Variants in L3MBTL4 observed in about 807,000 individuals in gnomAD.
The protein encoded by L3MBTL4 is L3MBTL histone methyl-lysine binding protein 4, also known as lethal(3)malignant brain tumor-like protein 4.
Under a neutral mutation model 84.5 loss-of-function variants are expected in L3MBTL4, and 70 were observed. That is an observed-to-expected ratio of 0.83 (90% CI 0.68 to 1.01). L3MBTL4 has a LOEUF of 1.01. Ranked by LOEUF, L3MBTL4 falls within the 50% of genes least tolerant of loss-of-function variation. The pLI is 0.00. For synonymous variants in L3MBTL4, 274 were observed against 259.8 expected (o/e 1.05, Z -0.52); for missense variants, 715 against 754.8 (o/e 0.95, Z 0.62).
intron 12 of L3MBTL4, among the ~76,000 whole-genome samples, chr18:6,183,043 T>C (rs986922134): frequency 6.6e-6 from 1 of 152,246 alleles, no homozygotes; most frequent in African/African-American, 2.4e-5. Flanking sequence ...TCTATTTCTA[T>C]GGTTACAGTT....
At chr18:6,004,414 C>T (rs1385205710) in intron 16 of L3MBTL4, among the ~76,000 whole-genome samples, 2 of 152,116 alleles carry the variant, frequency 1.3e-5, no homozygotes, top group East Asian at 1.9e-4. Flanking sequence ...AAGCCCTGGA[C>T]GAGACTGCTT....
intron 3 of L3MBTL4, among the ~76,000 whole-genome samples, chr18:6,302,370 A>G (rs1043456918): frequency 5.9e-5 from 9 of 152,228 alleles, no homozygotes; most frequent in African/African-American, 2.2e-4. Flanking sequence ...GTAAGTACTC[A>G]GTTAAAATGC....
chr18:6,258,487 T>A (rs1003736644), intron 5 of L3MBTL4, among the ~76,000 whole-genome samples: 1 of 151,806 alleles, frequency 6.6e-6, no homozygotes, highest in African/African-American at 2.4e-5. Flanking sequence ...ATGGCTGACA[T>A]GAGGGAACTG....
Position 6,401,213 on chromosome 18 carries a change from A to C in L3MBTL4, c.-91+13588T>G, listed in dbSNP as rs537771732. The stretch of plus-strand genomic sequence containing the variant: ...CAATAATGACTATTAAATCAATAAT[A>C]AAATGATCGTATTCGTATGAGGTTG... On this transcript the variant is annotated intron_variant, in intron 1 of 18. Transcript: ENST00000317931. 3.9e-5 allele frequency among the ~76,000 whole-genome samples: 6 copies of C among 152,326 alleles called. No individual in the cohort carries two copies. The East Asian group carries it at 1.2e-3, about 29-fold the overall frequency.
chr18:6,220,636 A>T (rs1181567497), intron 10 of L3MBTL4, among the ~76,000 whole-genome samples: 1 of 152,192 alleles, frequency 6.6e-6, no homozygotes, highest in Non-Finnish European at 1.5e-5. Context: ...CTCTTGCTCC[A>T]TTAGAACATA....
At chr18:6,088,482 C>T (rs2058333942) in intron 15 of L3MBTL4, among the ~76,000 whole-genome samples, 1 of 151,978 alleles carries the variant, frequency 6.6e-6, no homozygotes, top group Non-Finnish European at 1.5e-5. Flanking sequence ...GAGATGCAGG[C>T]AGGAGTAAAT....
chr18:6,163,260 G>A (rs1247164113), intron 13 of L3MBTL4, among the ~76,000 whole-genome samples: 3 of 70,986 alleles, frequency 4.2e-5, no homozygotes, highest in African/African-American at 1.7e-4. Context: ...GTGTGTGTGT[G>A]GGGGGGGGGT....
intron 12 of L3MBTL4, among the ~76,000 whole-genome samples, chr18:6,191,159 A>C (rs1157164722): frequency 6.6e-6 from 1 of 152,224 alleles, no homozygotes; most frequent in African/African-American, 2.4e-5. Flanking sequence ...TACAAGAACC[A>C]GCCTGGCTGC....
rs76189633 is a variant in L3MBTL4 at position 6,127,697 on chromosome 18, A to G, written c.1199+10497T>C. On this transcript the variant is annotated intron_variant, in intron 14 of 18. Transcript: ENST00000317931. ...GAAAACAGATAAGCTGAGAGCCAAG[A>G]GTCTGCAGATAGAGGATGCTATAAA... Among the ~76,000 whole-genome samples, 34 of 152,328 alleles carry G rather than the reference A, an allele frequency of 2.2e-4. No individual in the cohort carries two copies. In the East Asian group the frequency reaches 6.4e-3, roughly 29 times the overall value.
intron 16 of L3MBTL4, among the ~76,000 whole-genome samples, chr18:6,036,123 T>G (rs957775590): frequency 2.0e-5 from 3 of 152,212 alleles, no homozygotes; most frequent in Non-Finnish European, 4.4e-5. Context: ...CTTTCAACAT[T>G]CTCTGTCTTT....
chr18:6,279,853 G>C (rs2049250348), intron 4 of L3MBTL4, among the ~76,000 whole-genome samples: 1 of 151,922 alleles, frequency 6.6e-6, no homozygotes, highest in South Asian at 2.1e-4. Context: ...ATATATCCTA[G>C]AGCCACCGAA....
At chr18:6,299,913 C>A (rs537680342) in intron 4 of L3MBTL4, among the ~76,000 whole-genome samples, 2 of 152,246 alleles carry the variant, frequency 1.3e-5, no homozygotes, top group East Asian at 1.9e-4. Context: ...CTCAAGAGAT[C>A]CACCCGCCTT....
intron 1 of L3MBTL4, among the ~76,000 whole-genome samples, chr18:6,346,045 C>CA (rs1279172903): frequency 6.7e-6 from 1 of 148,442 alleles, no homozygotes; most frequent in Non-Finnish European, 1.5e-5. Context: ...AATTTTTTGA[C>CA]AACGGCAGTG....
chr18:6,015,415 C>A (rs528137436), intron 16 of L3MBTL4, among the ~76,000 whole-genome samples: 1 of 152,058 alleles, frequency 6.6e-6, no homozygotes, highest in African/African-American at 2.4e-5. Context: ...AGAGATAAGA[C>A]CTAAACCCAG....
intron 13 of L3MBTL4, among the ~76,000 whole-genome samples, chr18:6,140,147 C>T (rs1268844939): frequency 6.6e-6 from 1 of 152,152 alleles, no homozygotes; most frequent in Non-Finnish European, 1.5e-5. Context: ...TCCCATACTG[C>T]GTGATCAGGT....
intron 4 of L3MBTL4, among the ~76,000 whole-genome samples, chr18:6,299,677 TA>T (rs11317859): frequency 0.19 from 29,198 of 152,066 alleles, 2,954 homozygotes; most frequent in African/African-American, 0.24. Context: ...AATATAGATA[TA>T]TTTTTTTTAT....
At chr18:6,253,448 G>C (rs1435682818) in intron 5 of L3MBTL4, among the ~76,000 whole-genome samples, 1 of 152,222 alleles carries the variant, frequency 6.6e-6, no homozygotes, top group Non-Finnish European at 1.5e-5. Context: ...GTAGGACTGG[G>C]AATGGGGGAA....
intron 16 of L3MBTL4, among the ~76,000 whole-genome samples, chr18:6,002,538 A>T (rs1266061638): frequency 1.3e-5 from 2 of 152,134 alleles, no homozygotes; most frequent in Non-Finnish European, 2.9e-5. Flanking sequence ...TGATACAAGT[A>T]ACTGAAAAGT....
chr18:6,195,340 G>A (rs1315963612), intron 12 of L3MBTL4, among the ~76,000 whole-genome samples: 7 of 152,298 alleles, frequency 4.6e-5, no homozygotes, highest in South Asian at 2.1e-4. Context: ...GTGGATGTCC[G>A]CTACCCTGTG....
Sources: allele counts gnomAD v4.1 joint callset (sites outside exome capture counted in the v4.1 genomes callset), GRCh38; gene constraint gnomAD v4.1.1; transcripts MANE v1.5; gene names NCBI Gene and HGNC (gene_info 2026-07-23, HGNC 2026-07-21).